SEMA3B: variants seen among roughly 807,000 people sequenced by gnomAD.
SEMA3B encodes semaphorin 3B, also known as semaphorin-3B.
A neutral mutation model predicts 77.8 loss-of-function variants in SEMA3B; 71 were observed. The observed-to-expected ratio is 0.91, with a 90% CI of 0.75 to 1.11. SEMA3B has a LOEUF of 1.11. Among genes scored for constraint, SEMA3B ranks in the 50% most tolerant of loss-of-function variants. The pLI is 0.00. For missense variants in SEMA3B, 968 were observed against 1,056.8 expected, an observed-to-expected ratio of 0.92 and a Z score of 1.17; for synonymous variants, 470 against 452.9, an observed-to-expected ratio of 1.04 and a Z score of -0.48.
chr3:50,275,942 C>A lies in SEMA3B; in HGVS notation c.1845+98C>A. The A allele has an allele frequency of 7.0e-7, 1 of 1,419,738 alleles. No homozygotes were observed. 87.9% of individuals were successfully genotyped at this position (1,419,738 alleles called of 1,614,324 possible). On this transcript the variant is annotated intron_variant, in intron 16 of 16. Coordinates refer to ENST00000616701, the MANE Select transcript of SEMA3B (RefSeq NM_001290060.2). This position sits in a 1 kb window ranked among gnomAD's most constrained non-coding sequence, Gnocchi z 7.5. ...CAACGAAGCCCCGTCCAACCAGACC[C>A]ACTCCCCGCCCTGTCCAGTTTGGTC...
Position 50,270,603 on chromosome 3 carries a change from G to A in SEMA3B, c.330+108G>A. 1.3e-6 allele frequency: 2 copies of A among 1,493,344 alleles called. No homozygotes were observed. The highest frequency in any genetic ancestry group is 1.8e-6 in the Non-Finnish European group (2 of 1,091,540). The allele number at this position is 1,493,344 out of a possible 1,614,324, so 92.5% of individuals were successfully genotyped here. ...CCTGTTCTGGCTGGGATGAGGGCAG[G>A]GAGGTCGAGGTGGCTGAGGTCTGGG... On this transcript the variant is annotated intron_variant, in intron 3 of 16. Transcript: ENST00000616701. This position sits in a 1 kb window ranked among gnomAD's most constrained non-coding sequence, Gnocchi z 4.7.
Position 50,275,549 on chromosome 3 carries a change from G to A in SEMA3B, c.1650-11G>A, listed in dbSNP as rs1391773374. ...AAGAAGGGCTCACAGAAGATCGGATGTTCCCCACAGGCGGTTCCGGCGGCA... is the reference window on the plus strand; with the variant it reads ...AAGAAGGGCTCACAGAAGATCGGATATTCCCCACAGGCGGTTCCGGCGGCA... On this transcript the variant is annotated splice_polypyrimidine_tract_variant and intron_variant, in intron 14 of 16. Coordinates refer to ENST00000616701, the MANE Select transcript of SEMA3B (RefSeq NM_001290060.2). The surrounding 1 kb of genome is among the most constrained non-coding windows in gnomAD (Gnocchi z 7.5). 2.5e-6 allele frequency: 4 copies of A among 1,613,636 alleles called. No homozygotes were observed. The highest frequency in any genetic ancestry group is 2.2e-5 in the South Asian group (2 of 91,092).
In SEMA3B at chr3:50,274,625, C is replaced by T. The variant is rs200308479; in HGVS notation, c.1357+43C>T. The T allele has an allele frequency of 1.2e-5, 18 of 1,511,866 alleles. No individual in the cohort carries two copies. The East Asian group carries it at 4.1e-4, about 35-fold the overall frequency. The allele number at this position is 1,511,866 out of a possible 1,614,324, so 93.7% of individuals were successfully genotyped here. On this transcript the variant is annotated intron_variant, in intron 11 of 16. Transcript: ENST00000616701. This position sits in a 1 kb window ranked among gnomAD's most constrained non-coding sequence, Gnocchi z 4.7. Reference sequence around the variant, plus strand: ...GCGACCCCCAGGCTCCCAGCCAGGCCCTGTGGGCTGCTGATGGAAGCTCTC... The same window carrying T: ...GCGACCCCCAGGCTCCCAGCCAGGCTCTGTGGGCTGCTGATGGAAGCTCTC...
Position 50,270,937 on chromosome 3 carries a change from C to T in SEMA3B, c.378C>T (p.Thr126=), listed in dbSNP as rs782472975. The T allele has an allele frequency of 4.7e-5, 75 of 1,611,612 alleles. 1 individual carries two copies. The Middle Eastern group carries it at 9.9e-4, about 21-fold the overall frequency. Residue 126 remains threonine (T), a synonymous_variant, in exon 4 of 17, where the codon ACC becomes ACT. Coordinates refer to ENST00000616701, the MANE Select transcript of SEMA3B (RefSeq NM_001290060.2). The surrounding 1 kb of genome is among the most constrained non-coding windows in gnomAD (Gnocchi z 4.7). The part of the protein sequence containing the change: ...FVKLLHAYNR[T]HLLACGTGAF... The stretch of plus-strand genomic sequence containing the variant: ...AGTTGCTGCATGCCTACAACCGCAC[C>T]CATTTGCTGGCCTGTGGCACGGGAG...
chr3:50,275,271 C>T lies in SEMA3B; in HGVS notation c.1492-31C>T. 2 of 1,496,232 alleles carry T rather than the reference C, an allele frequency of 1.3e-6. No individual in the cohort carries two copies. The highest frequency in any genetic ancestry group is 2.4e-5 in the East Asian group (1 of 40,860). The allele number at this position is 1,496,232 out of a possible 1,614,324, so 92.7% of individuals were successfully genotyped here. A position where few individuals can be genotyped will look rare whatever the true frequency, so the allele number is the denominator to read the frequency against. On this transcript the variant is annotated intron_variant, in intron 13 of 16. Coordinates refer to ENST00000616701, the MANE Select transcript of SEMA3B (RefSeq NM_001290060.2). The surrounding 1 kb of genome is among the most constrained non-coding windows in gnomAD (Gnocchi z 7.5). ...TGGGAGGCAGGCGTGGGGTCGCCCTCGGTCAGCCCAGAGCCCCTCGTGCCC... is the reference window on the plus strand; with the variant it reads ...TGGGAGGCAGGCGTGGGGTCGCCCTTGGTCAGCCCAGAGCCCCTCGTGCCC...
In SEMA3B at chr3:50,275,314, G is replaced by A. The variant is rs2109248320; in HGVS notation, c.1504G>A (p.Val502Ile). 2 of 1,572,498 alleles carry A rather than the reference G, an allele frequency of 1.3e-6. No individual in the cohort carries two copies. Among genetic ancestry groups the A allele is most frequent in the South Asian group, 1.2e-5 (1 of 86,142 alleles). The change falls in exon 14 of 17, where the codon GTA (valine) becomes ATA (isoleucine). Residue 502 changes from valine (V) to isoleucine (I), a missense_variant. By Grantham distance (29) the Val-to-Ile change is conservative. Transcript: ENST00000616701. This position sits in a 1 kb window ranked among gnomAD's most constrained non-coding sequence, Gnocchi z 7.5. ...TCGTGCCCCCTAGCACCAGCTGTAC[G>A]TAGCCTCGCGGAGCGCGGTGGCCCA... Reference protein sequence around the residue: ...QISSKRHQLYVASRSAVAQIA... With the variant: ...QISSKRHQLYIASRSAVAQIA...
At chr3:50,264,901 G>A (rs1352134860), upstream of SEMA3B, among the ~76,000 whole-genome samples, 2 of 150,604 alleles carry the variant, frequency 1.3e-5, no homozygotes, top group African/African-American at 4.9e-5. Flanking sequence ...CTCAGCCTGG[G>A]AGGAATGTGC....
At chr3:50,266,026 C>CG (rs36018346), upstream of SEMA3B, among the ~76,000 whole-genome samples, 702 of 151,722 alleles carry the variant, frequency 4.6e-3, 6 homozygotes, top group African/African-American at 0.016. Context: ...ATGGCGGTGG[C>CG]GGGGGGGTTT....
In SEMA3B at chr3:50,274,560, T is replaced by C. The variant is rs1553706145; in HGVS notation, c.1335T>C (p.Tyr445=). 8 of 1,546,108 alleles carry C rather than the reference T, an allele frequency of 5.2e-6. No individual in the cohort carries two copies. The highest frequency in any genetic ancestry group is 7.0e-6 in the Non-Finnish European group (8 of 1,146,804). ...GGGTTGCAGCCGCTGACGGACACTA[T>C]GACGTCCTCTTCATTGGCACAGGTC... The part of the protein sequence containing the change: ...ADRVAAADGH[Y]DVLFIGTDVG... Residue 445 remains tyrosine, a synonymous_variant, in exon 11 of 17, where the codon TAT becomes TAC. Transcript: ENST00000616701. This position sits in a 1 kb window ranked among gnomAD's most constrained non-coding sequence, Gnocchi z 4.7.
In SEMA3B at chr3:50,274,852, C is replaced by A. The variant is rs1553706193; in HGVS notation, c.1367C>A (p.Thr456Lys). 1 of 1,610,984 alleles carries A rather than the reference C, an allele frequency of 6.2e-7. No individual in the cohort carries two copies. The highest frequency in any genetic ancestry group is 8.5e-7 in the Non-Finnish European group (1 of 1,179,730). Residue 456 changes from threonine to lysine, a missense_variant, in exon 12 of 17, where the codon ACG becomes AAG. By Grantham distance (78) the Thr-to-Lys change is moderately conservative. Coordinates refer to ENST00000616701, the MANE Select transcript of SEMA3B (RefSeq NM_001290060.2). This position sits in a 1 kb window ranked among gnomAD's most constrained non-coding sequence, Gnocchi z 4.7. ...CTTCTCATCCCTGCAGACGTTGGCA[C>A]GGTGCTGAAGGTGATCTCGGTCCCC... ...DVLFIGTDVG[T>K]VLKVISVPKG...
rs377148929 is a variant in SEMA3B, at chr3:50,273,860, C to T, written c.992+32C>T. 6.1e-5 allele frequency: 96 copies of T among 1,565,698 alleles called. No homozygotes were observed. Among genetic ancestry groups the T allele is most frequent in the Non-Finnish European group, 7.9e-5 (91 of 1,153,976 alleles). On this transcript the variant is annotated intron_variant, in intron 9 of 16. Coordinates refer to ENST00000616701, the MANE Select transcript of SEMA3B (RefSeq NM_001290060.2). The surrounding 1 kb of genome is among the most constrained non-coding windows in gnomAD (Gnocchi z 6.5). ...GGCAGGAGGTAGGGAGCGCCCGGGG[C>T]GGGCCGCTGGGCTCCACCCGGCCCC...
intron 6 of SEMA3B, among the ~76,000 whole-genome samples, chr3:50,272,251 C>T (rs1257310739): frequency 8.6e-5 from 13 of 151,938 alleles, no homozygotes; most frequent in African/African-American, 3.1e-4. Flanking sequence ...CAGAGCAGAC[C>T]CTGTCTCTAA....
At chr3:50,264,159 A>G (rs1228739772), upstream of SEMA3B, among the ~76,000 whole-genome samples, 1 of 152,242 alleles carries the variant, frequency 6.6e-6, no homozygotes, top group South Asian at 2.1e-4. Flanking sequence ...GCCATGAGCC[A>G]TGATCCCACC....
chr3:50,275,465 C>T lies in SEMA3B; in HGVS notation c.1649+6C>T, dbSNP rs1192511523. 1.7e-5 allele frequency: 26 copies of T among 1,540,038 alleles called. No individual in the cohort carries two copies. The highest frequency in any genetic ancestry group is 2.3e-5 in the Non-Finnish European group (26 of 1,134,958). On this transcript the variant is annotated splice_donor_region_variant and intron_variant, in intron 14 of 16. Coordinates refer to ENST00000616701, the MANE Select transcript of SEMA3B (RefSeq NM_001290060.2). The surrounding 1 kb of genome is among the most constrained non-coding windows in gnomAD (Gnocchi z 7.5). Reference sequence around the variant, plus strand: ...TTCCAGCCCAGTGCCAAGAGGTGGGCGGGGTCGGGGTTGGGCCGCCGGGAG... The same window carrying T: ...TTCCAGCCCAGTGCCAAGAGGTGGGTGGGGTCGGGGTTGGGCCGCCGGGAG...
chr3:50,262,063 AG>A, the SEMA3B span: 1,411 of 152,416 alleles, frequency 9.3e-3, 15 homozygotes, highest in Non-Finnish European at 0.014. Flanking sequence ...TGGGAGGCCA[AG>A]GTGGGCGGAT....
upstream of SEMA3B, among the ~76,000 whole-genome samples, chr3:50,264,775 C>T (rs924342467): frequency 2.6e-5 from 4 of 152,228 alleles, no homozygotes; most frequent in Admixed American, 6.5e-5. Flanking sequence ...AGGGAGGCCC[C>T]GCCCCCAGCC....
At position 50,270,414 on chromosome 3, in the gene SEMA3B, TC is replaced by T. The variant is rs782012127; in HGVS notation, c.268-14del. 7 of 1,613,502 alleles carry T rather than the reference TC, an allele frequency of 4.3e-6. No individual in the cohort carries two copies. The South Asian group carries it at 6.6e-5, about 15-fold the overall frequency. On this transcript the variant is annotated intron_variant, in intron 2 of 16. Transcript: ENST00000616701. The surrounding 1 kb of genome is among the most constrained non-coding windows in gnomAD (Gnocchi z 4.7). ...CCAAGTTCCTGACCTGTGTCCCCTCTCCCCCAACCTCCCGATAGCTGGCCTG... is the reference window on the plus strand; with the variant it reads ...CCAAGTTCCTGACCTGTGTCCCCTCTCCCCAACCTCCCGATAGCTGGCCTG...
At chr3:50,265,638 C>T (rs1265175133), upstream of SEMA3B, among the ~76,000 whole-genome samples, 1 of 152,240 alleles carries the variant, frequency 6.6e-6, no homozygotes, top group Non-Finnish European at 1.5e-5. Flanking sequence ...GGTAGGAGTA[C>T]AGGCAGGAAA....
rs781997219 is a variant in SEMA3B at position 50,270,777 on chromosome 3, AG to A, written c.331-112del. On this transcript the variant is annotated intron_variant, in intron 3 of 16. Transcript: ENST00000616701. The surrounding 1 kb of genome is among the most constrained non-coding windows in gnomAD (Gnocchi z 4.7). ...CCCCCAGGTCCCTGTAGCCCATGTT[AG>A]TACTTGCCTGGGCTGATGCCGAAGA... 6.5e-4 allele frequency: 968 copies of A among 1,483,972 alleles called. No homozygotes were observed. The highest frequency in any genetic ancestry group is 8.2e-4 in the Non-Finnish European group (904 of 1,101,418). 91.9% of individuals were successfully genotyped at this position (1,483,972 alleles called of 1,614,324 possible). A position where few individuals can be genotyped will look rare whatever the true frequency, so the allele number is the denominator to read the frequency against.
Sources: gnomAD v4.1 joint callset for allele counts (sites outside exome capture counted in the v4.1 genomes callset) on GRCh38, gnomAD v4.1.1 for gene constraint, Gnocchi (gnomAD v3.1) non-coding constraint, MANE v1.5 for transcripts, NCBI Gene and HGNC (gene_info 2026-07-23, HGNC 2026-07-21) for gene names.